COL23A1: variants seen among roughly 807,000 people sequenced by gnomAD.
COL23A1 encodes collagen alpha-1(XXIII) chain.
A neutral mutation model predicts 99.3 loss-of-function variants in COL23A1; 97 were observed. The ratio of observed to expected loss-of-function variants is 0.98; its 90% CI spans 0.83 to 1.16. The LOEUF is 1.16. Ranked by LOEUF, COL23A1 falls within the 50% of genes most tolerant of loss-of-function variation. The pLI is 0.00. For synonymous variants in COL23A1, 320 were observed against 308.2 expected, an observed-to-expected ratio of 1.04 and a Z score of -0.40; for missense variants, 762 against 757.4, an observed-to-expected ratio of 1.01 and a Z score of -0.07.
chr5:178,410,295 C>T (rs975767534), intron 2 of COL23A1, among the ~76,000 whole-genome samples: 10 of 152,178 alleles, frequency 6.6e-5, no homozygotes, highest in Admixed American at 3.3e-4. Context: ...GGCATCACTT[C>T]CCAAAGCAAT....
At chr5:178,550,826 G>A (rs1581620553) in intron 2 of COL23A1, among the ~76,000 whole-genome samples, 1 of 152,084 alleles carries the variant, frequency 6.6e-6, no homozygotes, top group African/African-American at 2.4e-5. Flanking sequence ...GCCAAGCTGG[G>A]GTCAAGACAG....
rs572188975 is a variant in COL23A1 at position 178,255,183 on chromosome 5, C to T, written c.883-157G>A. 5.3e-5 allele frequency among the ~76,000 whole-genome samples: 8 copies of T among 151,964 alleles called. No individual in the cohort carries two copies. The highest frequency in any genetic ancestry group is 7.4e-5 in the Non-Finnish European group (5 of 67,922). On this transcript the variant is annotated intron_variant, in intron 15 of 28. Coordinates refer to ENST00000390654, the MANE Select transcript of COL23A1 (RefSeq NM_173465.4). This position sits in a 1 kb window ranked among gnomAD's most constrained non-coding sequence, Gnocchi z 4.2. Reference sequence around the variant, plus strand: ...CCCTCCCCAGGGTGGATGGAGGGAACGGGAGGCAGGCCCTGTGGCCAGCTG... The same window carrying T: ...CCCTCCCCAGGGTGGATGGAGGGAATGGGAGGCAGGCCCTGTGGCCAGCTG...
chr5:178,502,755 G>C (rs1758640902), intron 2 of COL23A1, among the ~76,000 whole-genome samples: 1 of 152,206 alleles, frequency 6.6e-6, no homozygotes, highest in Non-Finnish European at 1.5e-5. Context: ...CGCCACTTCT[G>C]GGCATGAACC....
Position 178,439,857 on chromosome 5 carries a change from TA to T in COL23A1, c.361+120824del, listed in dbSNP as rs1328155951. On this transcript the variant is annotated intron_variant, in intron 2 of 28. Transcript: ENST00000390654. This position sits in a 1 kb window ranked among gnomAD's most constrained non-coding sequence, Gnocchi z 4.2. ...GTGTAGCCAATCAATGGAATACCAC[TA>T]CATGCTACAACATGGATGAGCCCCA... is the stretch of plus-strand genomic sequence containing the variant. 1.3e-5 allele frequency: 2 copies of T among 152,190 alleles called. No individual in the cohort carries two copies. Among genetic ancestry groups the T allele is most frequent in the African/African-American group, 4.8e-5 (2 of 41,460 alleles). The allele number at this position is 152,190 out of a possible 1,614,324, so 9.4% of individuals were successfully genotyped here.
intron 2 of COL23A1, among the ~76,000 whole-genome samples, chr5:178,333,597 C>G (rs1436765316): frequency 6.6e-6 from 1 of 152,248 alleles, no homozygotes; most frequent in East Asian, 1.9e-4. Context: ...CTCCTGGACC[C>G]GAGGCTTCAG....
intron 2 of COL23A1, among the ~76,000 whole-genome samples, chr5:178,523,197 T>TAC (rs1416631747): frequency 1.4e-5 from 1 of 73,744 alleles, no homozygotes; most frequent in Non-Finnish European, 2.9e-5. Flanking sequence ...TATATATATA[T>TAC]ATATAGAGAG....
In COL23A1 at chr5:178,281,275, A is replaced by G. The variant is rs1409053870; in HGVS notation, c.441+7049T>C. 6.6e-6 allele frequency among the ~76,000 whole-genome samples: 1 copy of G among 152,232 alleles called. No homozygotes were observed. Among genetic ancestry groups the G allele is most frequent in the East Asian group, 1.9e-4 (1 of 5,206 alleles). On this transcript the variant is annotated intron_variant, in intron 5 of 28. Coordinates refer to ENST00000390654, the MANE Select transcript of COL23A1 (RefSeq NM_173465.4). This position sits in a 1 kb window ranked among gnomAD's most constrained non-coding sequence, Gnocchi z 4.0. Reference sequence around the variant, plus strand: ...TTTTTATAATCAAAGCTGTTTTTGAACTACAAGAGTGCAAGAGAGCGTGTG... The same window carrying G: ...TTTTTATAATCAAAGCTGTTTTTGAGCTACAAGAGTGCAAGAGAGCGTGTG...
chr5:178,313,503 G>A lies in COL23A1; in HGVS notation c.362-6584C>T, dbSNP rs943053041. On this transcript the variant is annotated intron_variant, in intron 2 of 28. Transcript: ENST00000390654. The surrounding 1 kb of genome is among the most constrained non-coding windows in gnomAD (Gnocchi z 4.2). The stretch of plus-strand genomic sequence containing the variant: ...CAGCAGTGTCCCGTGTGAGGAGCCC[G>A]GCACTGTGGAGTCACAGAGGATGGC... 8.3e-4 allele frequency among the ~76,000 whole-genome samples: 126 copies of A among 152,316 alleles called. No homozygotes were observed. The highest frequency in any genetic ancestry group is 2.7e-3 in the African/African-American group (114 of 41,572).
At chr5:178,353,572 A>C (rs1231779260) in intron 2 of COL23A1, among the ~76,000 whole-genome samples, 4 of 152,236 alleles carry the variant, frequency 2.6e-5, no homozygotes, top group African/African-American at 9.6e-5. Flanking sequence ...GACATACCCA[A>C]GTCACCTTTA....
chr5:178,421,571 T>G (rs1765634894), intron 2 of COL23A1, among the ~76,000 whole-genome samples: 1 of 152,140 alleles, frequency 6.6e-6, no homozygotes, highest in Non-Finnish European at 1.5e-5. Flanking sequence ...ATTCACTCCA[T>G]TAACAGAGCA....
At chr5:178,407,525 G>C (rs189085246) in intron 2 of COL23A1, among the ~76,000 whole-genome samples, 1 of 152,264 alleles carries the variant, frequency 6.6e-6, no homozygotes, top group Non-Finnish European at 1.5e-5. Flanking sequence ...AGAAATGTTG[G>C]ACTATCTGGC....
At chr5:178,539,545 C>CACAAAAAAAAAAAAA (rs1761169044) in intron 2 of COL23A1, among the ~76,000 whole-genome samples, 1 of 78,386 alleles carries the variant, frequency 1.3e-5, no homozygotes, top group Non-Finnish European at 2.3e-5. Context: ...GACTCTGTCT[C>CACAAAAAAAAAAAAA]AAAAAAAAAA....
chr5:178,368,935 C>T (rs1429951700), intron 2 of COL23A1, among the ~76,000 whole-genome samples: 1 of 152,260 alleles, frequency 6.6e-6, no homozygotes, highest in Non-Finnish European at 1.5e-5. Flanking sequence ...CAGCAAAGCC[C>T]AGCCAGGGCA....
In COL23A1 at chr5:178,526,389, G is replaced by A. The variant is rs561511049; in HGVS notation, c.361+34293C>T. Among the ~76,000 whole-genome samples the A allele has an allele frequency of 7.7e-4, 117 of 152,322 alleles. 1 individual carries two copies. Among genetic ancestry groups the A allele is most frequent in the African/African-American group, 2.6e-3 (109 of 41,572 alleles). On this transcript the variant is annotated intron_variant, in intron 2 of 28. Coordinates refer to ENST00000390654, the MANE Select transcript of COL23A1 (RefSeq NM_173465.4). ...TGTAGCTGTGGCTGGACCAGGGAAC[G>A]TCCTCTATGGGACTCTGCTGGCATG...
At chr5:178,266,813 C>A (rs1035164289) in intron 8 of COL23A1, among the ~76,000 whole-genome samples, 1 of 152,218 alleles carries the variant, frequency 6.6e-6, no homozygotes, top group Non-Finnish European at 1.5e-5. Context: ...GCTCTCCGCA[C>A]TGCGGCTCCC....
Position 178,384,413 on chromosome 5 carries a change from G to C in COL23A1, c.362-77494C>G, listed in dbSNP as rs142579510. Reference sequence around the variant, plus strand: ...CAGGAAAGCCCGGGGCTGTTCATCCGGGTAGTAAACCAGGCTTCGGCTTTC... The same window carrying C: ...CAGGAAAGCCCGGGGCTGTTCATCCCGGTAGTAAACCAGGCTTCGGCTTTC... On this transcript the variant is annotated intron_variant, in intron 2 of 28. Coordinates refer to ENST00000390654, the MANE Select transcript of COL23A1 (RefSeq NM_173465.4). This position sits in a 1 kb window ranked among gnomAD's most constrained non-coding sequence, Gnocchi z 5.5. 6.6e-6 allele frequency among the ~76,000 whole-genome samples: 1 copy of C among 152,218 alleles called. No homozygotes were observed. Among genetic ancestry groups the C allele is most frequent in the African/African-American group, 2.4e-5 (1 of 41,448 alleles).
At chr5:178,376,010 A>G (rs1348903604) in intron 2 of COL23A1, among the ~76,000 whole-genome samples, 1 of 152,138 alleles carries the variant, frequency 6.6e-6, no homozygotes, top group East Asian at 1.9e-4. Flanking sequence ...CCCGGCTCCC[A>G]TTCCCTTTTC....
intron 2 of COL23A1, among the ~76,000 whole-genome samples, chr5:178,407,275 G>T (rs1670353273): frequency 1.3e-5 from 2 of 152,218 alleles, no homozygotes; most frequent in Non-Finnish European, 2.9e-5. Context: ...AAGCTCAGTT[G>T]AAAAGTTGGA....
intron 2 of COL23A1, among the ~76,000 whole-genome samples, chr5:178,478,762 A>G (rs555450777): frequency 1.3e-5 from 2 of 152,210 alleles, no homozygotes; most frequent in Non-Finnish European, 2.9e-5. Flanking sequence ...CAAAGTAGCC[A>G]GGAAAGACAC....
Sources: gnomAD v4.1 joint callset for allele counts (sites outside exome capture counted in the v4.1 genomes callset) on GRCh38, gnomAD v4.1.1 for gene constraint, Gnocchi (gnomAD v3.1) non-coding constraint, MANE v1.5 for transcripts, NCBI Gene and HGNC (gene_info 2026-07-23, HGNC 2026-07-21) for gene names.